ACOT9: variants seen among roughly 807,000 people sequenced by gnomAD.
ACOT9 encodes the protein acyl-coenzyme A thioesterase 9, mitochondrial.
Under a neutral mutation model 39.7 loss-of-function variants are expected in ACOT9, and 34 were observed. That is an observed-to-expected ratio of 0.86 (90% CI 0.65 to 1.14). The LOEUF is 1.14. Among genes scored for constraint, ACOT9 ranks in the 50% most tolerant of loss-of-function variants. The probability of loss-of-function intolerance (pLI) is 0.00; values close to 1 mark genes in which losing one functional copy is unlikely to be tolerated. For synonymous variants in ACOT9, 110 were observed against 120.5 expected, an observed-to-expected ratio of 0.91 and a Z score of 0.57; for missense variants, 313 against 344.1, an observed-to-expected ratio of 0.91 and a Z score of 0.71.
chrX:23,709,416 G>A (rs1030583729), intron 9 of ACOT9, among the ~76,000 whole-genome samples: 6 of 111,700 alleles, frequency 5.4e-5, no homozygotes, highest in African/African-American at 1.9e-4. Context: ...CAAAAGAATT[G>A]AAACAACAGC....
chrX:23,728,332 G>T (rs946758515), intron 6 of ACOT9, among the ~76,000 whole-genome samples: 1 of 110,375 alleles, frequency 9.1e-6, no homozygotes, highest in African/African-American at 3.3e-5. Flanking sequence ...CAATGAAGAG[G>T]GTGAGCCTGC....
chrX:23,740,763 C>CACACACACACACACACACA (rs57575426), intron 1 of ACOT9, among the ~76,000 whole-genome samples: 1 of 94,011 alleles, frequency 1.1e-5, no homozygotes, highest in Non-Finnish European at 2.1e-5. Context: ...CACACACACA[C>CACACACACACACACACACA]CGCACTGAGG....
At chrX:23,725,123 C>T (rs771364041) in intron 6 of ACOT9, among the ~76,000 whole-genome samples, 1 of 110,459 alleles carries the variant, frequency 9.1e-6, no homozygotes, top group Admixed American at 9.8e-5. Context: ...AGAGAAGAGA[C>T]GGAGGAAAAT....
At chrX:23,739,424 G>T (rs1569199633) in intron 1 of ACOT9, among the ~76,000 whole-genome samples, 1 of 111,368 alleles carries the variant, frequency 9.0e-6, no homozygotes, top group Non-Finnish European at 1.9e-5. Context: ...GTCTAGAAGA[G>T]CATGTCTAAT....
intron 1 of ACOT9, 131 bp downstream of exon 1, chrX:23,742,994 C>G: frequency 2.5e-6 from 2 of 815,612 alleles, no homozygotes; most frequent in South Asian, 7.9e-5. Flanking sequence ...TGGGCGAGCG[C>G]CCCTTATCAT....
chrX:23,727,969 G>C (rs1208393025), intron 6 of ACOT9, among the ~76,000 whole-genome samples: 1 of 102,319 alleles, frequency 9.8e-6, no homozygotes, highest in Non-Finnish European at 2.0e-5. Context: ...CTCTACTCCA[G>C]GCCGGGCAAC....
intron 6 of ACOT9, among the ~76,000 whole-genome samples, chrX:23,726,669 CTTTT>C (rs202115217): frequency 2.1e-5 from 2 of 96,807 alleles, no homozygotes; most frequent in Non-Finnish European, 2.1e-5. Flanking sequence ...TTTTACTTAT[CTTTT>C]TTTTTTTTTT....
At position 23,729,726 on chromosome X, in the gene ACOT9, G is replaced by C. The variant is rs182079576; in HGVS notation, c.400+801C>G. Among the ~76,000 whole-genome samples, 200 of 111,928 alleles carry C rather than the reference G, an allele frequency of 1.8e-3. 1 individual carries two copies. The highest frequency in any genetic ancestry group is 6.3e-3 in the African/African-American group (194 of 30,885). ...GGCTCAATGCAACCTCCACCTCCCA[G>C]GTTCAAGTGATTCTCCTGCCTCAGC... On this transcript the variant is annotated intron_variant, in intron 6 of 15. Coordinates refer to ENST00000379303, the MANE Select transcript of ACOT9 (RefSeq NM_001037171.2).
chrX:23,730,898 C>G lies in ACOT9; in HGVS notation c.280G>C (p.Asp94His), dbSNP rs750959048. 2 of 1,209,551 alleles carry G rather than the reference C, an allele frequency of 1.7e-6. No homozygotes were observed. Among genetic ancestry groups the G allele is most frequent in the Non-Finnish European group, 1.1e-6 (1 of 893,501 alleles). Residue 94 changes from aspartate (D) to histidine (H), a missense_variant, in exon 5 of 16, where the codon GAC (aspartate) becomes CAC (histidine). By Grantham distance (81) the Asp-to-His change is moderately conservative (BLOSUM62 -1). Transcript: ENST00000379303. ...GGCAAGAGAACTTCAATATAACTGT[C>G]CTTCATTCTCCTAGGAGGCAGTCCA... ...QDGLPPRRMK[D>H]SYIEVLLPLG...
In ACOT9 at chrX:23,706,721, A is replaced by G. The variant is rs1233044460; in HGVS notation, c.749T>C (p.Ile250Thr). The change falls in exon 11 of 16, where the codon ATT becomes ACT. Residue 250 changes from isoleucine (I) to threonine (T), a missense_variant. Coordinates refer to ENST00000379303, the MANE Select transcript of ACOT9 (RefSeq NM_001037171.2). ...CAGTAACGACGTGGAGCTGAAGGCAATTCTTCTCCCCTTGTTCACTGGAAC... is the reference window on the plus strand; with the variant it reads ...CAGTAACGACGTGGAGCTGAAGGCAGTTCTTCTCCCCTTGTTCACTGGAAC... Reference protein sequence around the residue: ...RQGELNKGRRIAFSSTSLLKM... With the variant: ...RQGELNKGRRTAFSSTSLLKM... 2.5e-6 allele frequency: 3 copies of G among 1,196,305 alleles called. No homozygotes were observed. The highest frequency in any genetic ancestry group is 1.8e-5 in the South Asian group (1 of 56,166).
At chrX:23,737,154 A>T (rs1271499423) in intron 1 of ACOT9, among the ~76,000 whole-genome samples, 1 of 110,590 alleles carries the variant, frequency 9.0e-6, no homozygotes. Flanking sequence ...CTGTACTAAA[A>T]ATCCAAAAAT....
rs746100629 is a variant in ACOT9 at position 23,713,186 on chromosome X, G to A, written c.611C>T (p.Pro204Leu). 8.3e-7 allele frequency: 1 copy of A among 1,206,498 alleles called. No homozygotes were observed. The highest frequency in any genetic ancestry group is 1.1e-6 in the Non-Finnish European group (1 of 891,326). The change falls in exon 9 of 16, where the codon CCT (proline) becomes CTT (leucine). Residue 204 changes from proline (P) to leucine (L), a missense_variant. Transcript: ENST00000379303. ...MFQLHGDEFC[P>L]VLDATFVMVA... ...CATTACAAATGTTGCATCCAAAACA[G>A]GACAAAATTCATCACCATGTAACTG...
At position 23,736,033 on chromosome X, in the gene ACOT9, AAC is replaced by A; in HGVS notation, c.21-19_21-18del. On this transcript the variant is annotated intron_variant, in intron 1 of 15. Coordinates refer to ENST00000379303, the MANE Select transcript of ACOT9 (RefSeq NM_001037171.2). ...GCACAAAGCCTATAAAACAAGATAAAACACAGAGCAGATCCCACAGCTTCTTC... is the reference window on the plus strand; with the variant it reads ...GCACAAAGCCTATAAAACAAGATAAAACAGAGCAGATCCCACAGCTTCTTC... 1 of 1,180,124 alleles carries A rather than the reference AAC, an allele frequency of 8.5e-7. No homozygotes were observed. Among genetic ancestry groups the A allele is most frequent in the South Asian group, 1.8e-5 (1 of 54,192 alleles).
At chrX:23,725,337 G>A (rs1011365922) in intron 6 of ACOT9, among the ~76,000 whole-genome samples, 3 of 107,969 alleles carry the variant, frequency 2.8e-5, no homozygotes, top group Admixed American at 2.0e-4. Flanking sequence ...TGGGCGTTGT[G>A]GTAGATGCCT....
At chrX:23,723,874 A>G (rs1055641981) in intron 6 of ACOT9, among the ~76,000 whole-genome samples, 8 of 112,147 alleles carry the variant, frequency 7.1e-5, no homozygotes, top group Non-Finnish European at 1.5e-4. Flanking sequence ...TAGAAATGAA[A>G]AGACTATGAG....
chrX:23,733,848 G>A (rs1199095713), intron 3 of ACOT9, among the ~76,000 whole-genome samples: 2 of 111,908 alleles, frequency 1.8e-5, no homozygotes, highest in African/African-American at 3.2e-5. Context: ...TGCAACCTCC[G>A]CCTCCCGGGT....
In ACOT9 at chrX:23,742,235, AGG is replaced by A. The variant is rs780232103; in HGVS notation, c.20+888_20+889del. Among the ~76,000 whole-genome samples, 221 of 48,282 alleles carry A rather than the reference AGG, an allele frequency of 4.6e-3. 6 individuals are homozygous for A. The highest frequency in any genetic ancestry group is 0.023 in the African/African-American group (149 of 6,510). 41.9% of individuals were successfully genotyped at this position (48,282 alleles called of 115,157 possible). A position where few individuals can be genotyped will look rare whatever the true frequency, so the allele number is the denominator to read the frequency against. On this transcript the variant is annotated intron_variant, in intron 1 of 15. Transcript: ENST00000379303. ...GAGTGAGAGAGAGAGAGAGAGAGAG[AGG>A]GAGAGAGAGAGAGAGAGAGATATCC... is the stretch of plus-strand genomic sequence containing the variant.
chrX:23,704,426 C>T (rs1022523114), intron 15 of ACOT9, among the ~76,000 whole-genome samples: 9 of 106,673 alleles, frequency 8.4e-5, no homozygotes, highest in Non-Finnish European at 1.5e-4. Flanking sequence ...GTGATCTGCC[C>T]GTCTCGGCCT....
At chrX:23,734,417 C>G in intron 2 of ACOT9, 50 bp from the exon 3 acceptor site, 5 of 1,042,177 alleles carry the variant, frequency 4.8e-6, no homozygotes, top group Non-Finnish European at 6.6e-6. Context: ...TAATTCAAAA[C>G]TAAAAGATAA....
Sources: allele counts gnomAD v4.1 joint callset (sites outside exome capture counted in the v4.1 genomes callset), GRCh38; gene constraint gnomAD v4.1.1; transcripts MANE v1.5; gene names NCBI Gene and HGNC (gene_info 2026-07-23, HGNC 2026-07-21).